The following FMN2 variants were observed in gnomAD, a reference collection of about 807,000 sequenced individuals.
The protein encoded by FMN2 is formin-2.
FMN2 carries 51 observed loss-of-function variants against 142.3 expected under a neutral mutation model. The observed-to-expected ratio is 0.36, with a 90% CI of 0.29 to 0.45. The LOEUF (loss-of-function observed/expected upper bound fraction) is 0.45. Among genes scored for constraint, FMN2 ranks in the 20% least tolerant of loss-of-function variants. The probability of loss-of-function intolerance (pLI) is 1.00; values close to 1 mark genes in which losing one functional copy is unlikely to be tolerated. For synonymous variants in FMN2, 882 were observed against 869.8 expected, an observed-to-expected ratio of 1.01 and a Z score of -0.25; for missense variants, 1,936 against 2,122.8, an observed-to-expected ratio of 0.91 and a Z score of 1.73.
chr1:240,375,783 A>G (rs1165159176), intron 14 of FMN2, among the ~76,000 whole-genome samples: 1 of 152,142 alleles, frequency 6.6e-6, no homozygotes, highest in Admixed American at 6.5e-5. Flanking sequence ...TTTTCAGGGT[A>G]TTGTATAAAT....
At chr1:240,293,747 T>C (rs1277516780) in intron 7 of FMN2, among the ~76,000 whole-genome samples, 1 of 152,146 alleles carries the variant, frequency 6.6e-6, no homozygotes. Context: ...AAGTATCATA[T>C]TCTACTTGGT....
At chr1:240,102,549 T>G (rs1031608231) in intron 1 of FMN2, among the ~76,000 whole-genome samples, 2 of 152,234 alleles carry the variant, frequency 1.3e-5, no homozygotes, top group Non-Finnish European at 1.5e-5. Flanking sequence ...TGGGAAGTGT[T>G]ACATTTTGCA....
At chr1:240,116,887 G>A (rs1015133441) in intron 1 of FMN2, among the ~76,000 whole-genome samples, 7 of 152,116 alleles carry the variant, frequency 4.6e-5, no homozygotes, top group Admixed American at 3.9e-4. Flanking sequence ...AGTTAATTCC[G>A]GTTAGTAGTT....
intron 6 of FMN2, among the ~76,000 whole-genome samples, chr1:240,223,322 C>T (rs1667187092): frequency 6.6e-6 from 1 of 152,142 alleles, no homozygotes; most frequent in African/African-American, 2.4e-5. Context: ...CCTTGCATCC[C>T]AGGGATTAAG....
intron 15 of FMN2, among the ~76,000 whole-genome samples, chr1:240,394,462 G>C (rs944246749): frequency 6.6e-6 from 1 of 152,192 alleles, no homozygotes; most frequent in African/African-American, 2.4e-5. Flanking sequence ...GTGGGGTCAT[G>C]AAGTTTAAGG....
chr1:240,367,673 C>A (rs1672722079), intron 14 of FMN2, among the ~76,000 whole-genome samples: 2 of 141,770 alleles, frequency 1.4e-5, no homozygotes, highest in African/African-American at 2.6e-5. Flanking sequence ...GAGGCTGAGG[C>A]AAAAGAATGG....
intron 2 of FMN2, chr1:240,143,996 G>T: frequency 8.0e-7 from 1 of 1,253,708 alleles, no homozygotes; most frequent in Non-Finnish European, 1.2e-6. Context: ...TCCCAGAGCA[G>T]GGACACACTC....
At chr1:240,216,871 C>T (rs1158839622) in intron 6 of FMN2, among the ~76,000 whole-genome samples, 2 of 152,010 alleles carry the variant, frequency 1.3e-5, no homozygotes, top group African/African-American at 2.4e-5. Context: ...ATTGCTTGAA[C>T]CCGGGAGGCG....
rs879160094 is a variant in FMN2, at chr1:240,170,961, C to T, written c.1783-6960C>T. On this transcript the variant is annotated intron_variant, in intron 2 of 17. Transcript: ENST00000319653. ...AGCGGACTGATGGAGGAGTGGACTA[C>T]TCCTTTGAATGTATTAGGAATGTCA... The T allele has an allele frequency of 4.0e-5, 32 of 790,618 alleles. 2 individuals are homozygous for T. In the South Asian group the frequency reaches 4.2e-4, roughly 10 times the overall value. 49.0% of individuals were successfully genotyped at this position (790,618 alleles called of 1,614,324 possible). A position where few individuals can be genotyped will look rare whatever the true frequency, so the allele number is the denominator to read the frequency against.
chr1:240,462,865 G>C (rs1364589421), intron 16 of FMN2, among the ~76,000 whole-genome samples: 2 of 152,164 alleles, frequency 1.3e-5, no homozygotes, highest in East Asian at 1.9e-4. Flanking sequence ...TGGAGGGTCA[G>C]ATATGTTTCC....
chr1:240,330,561 TATAAG>T, intron 10 of FMN2, 37 bp from the exon 11 acceptor site: 15 of 1,593,390 alleles, frequency 9.4e-6, no homozygotes, highest in Non-Finnish European at 1.1e-5. Context: ...CAAAACCTGG[TATAAG>T]ATAAAAGTTG....
At chr1:240,355,790 C>G in intron 13 of FMN2, 26 bp from the exon 14 acceptor site, 1 of 1,553,946 alleles carries the variant, frequency 6.4e-7, no homozygotes, top group Non-Finnish European at 8.8e-7. Context: ...GTGTGACACT[C>G]TAAATAATGT....
In FMN2 at chr1:240,093,459, C is replaced by T; in HGVS notation, c.1350C>T (p.Ser450=). The change falls in exon 1 of 18, where the codon TCC becomes TCT. Residue 450 remains serine, a synonymous_variant. Coordinates refer to ENST00000319653, the MANE Select transcript of FMN2 (RefSeq NM_020066.5). ...SPRIKRRPEP[S]LSRGSRTALA... The stretch of plus-strand genomic sequence containing the variant: ...GGATCAAGAGGCGGCCGGAACCCTC[C>T]CTGAGCCGAGGGTCCAGAACTGCCC... 6.2e-7 allele frequency: 1 copy of T among 1,613,472 alleles called. No homozygotes were observed. Among genetic ancestry groups the T allele is most frequent in the Non-Finnish European group, 8.5e-7 (1 of 1,179,732 alleles).
rs769597954 is a variant in FMN2, at chr1:240,177,998, G to A, written c.1860G>A (p.Arg620=). 1.1e-5 allele frequency: 17 copies of A among 1,612,694 alleles called. No homozygotes were observed. The East Asian group carries it at 1.3e-4, about 13-fold the overall frequency. ...ACTATTCAGAAGGGCAGTTTCCTAG[G>A]CGAGTTCCATCCATGGGGCCACCAT... ...SLDYSEGQFP[R]RVPSMGPPSK... is the part of the protein sequence containing the mutation. The change falls in exon 3 of 18, where the codon AGG becomes AGA. Residue 620 remains arginine, a synonymous_variant. Transcript: ENST00000319653.
At chr1:240,230,305 C>A (rs1667492115) in intron 6 of FMN2, among the ~76,000 whole-genome samples, 1 of 118,970 alleles carries the variant, frequency 8.4e-6, no homozygotes, top group African/African-American at 3.9e-5. Flanking sequence ...CCAGCCTGGG[C>A]AAGAGAGTCA....
At chr1:240,348,208 A>T (rs1009830194) in intron 13 of FMN2, among the ~76,000 whole-genome samples, 1 of 149,272 alleles carries the variant, frequency 6.7e-6, no homozygotes, top group Non-Finnish European at 1.5e-5. Context: ...TTGCCAGTAT[A>T]TGTTGTTTTT....
chr1:240,345,092 A>G (rs1043377742), intron 13 of FMN2, among the ~76,000 whole-genome samples: 2 of 152,214 alleles, frequency 1.3e-5, no homozygotes, highest in Non-Finnish European at 2.9e-5. Context: ...TTTAATTGGC[A>G]AACTGCTCAT....
At chr1:240,339,845 A>G (rs1374366666) in intron 13 of FMN2, among the ~76,000 whole-genome samples, 1 of 151,880 alleles carries the variant, frequency 6.6e-6, no homozygotes, top group African/African-American at 2.4e-5. Flanking sequence ...ATTTATTTAC[A>G]TATATATTCT....
At chr1:240,310,640 T>G (rs534184491) in intron 8 of FMN2, among the ~76,000 whole-genome samples, 1 of 152,212 alleles carries the variant, frequency 6.6e-6, no homozygotes, top group Non-Finnish European at 1.5e-5. Context: ...GAGAGTAAGA[T>G]CTTTTCCTAA....
Sources: gnomAD v4.1 joint callset for allele counts (sites outside exome capture counted in the v4.1 genomes callset) on GRCh38, gnomAD v4.1.1 for gene constraint, MANE v1.5 for transcripts, NCBI Gene and HGNC (gene_info 2026-07-23, HGNC 2026-07-21) for gene names.